The following ZDHHC5 variants were observed in gnomAD, a reference collection of about 807,000 sequenced individuals.
The protein encoded by ZDHHC5 is zDHHC palmitoyltransferase 5, also known as palmitoyltransferase ZDHHC5.
Under a neutral mutation model 70.0 loss-of-function variants are expected in ZDHHC5, and 22 were observed. That is an observed-to-expected ratio of 0.31 (90% CI 0.22 to 0.45). The LOEUF is 0.45. Ranked by LOEUF, ZDHHC5 falls within the 20% of genes least tolerant of loss-of-function variation. ZDHHC5 has a pLI of 1.00. For missense variants in ZDHHC5, 746 were observed against 926.9 expected (o/e 0.80, Z 2.53); for synonymous variants, 313 against 347.8 (o/e 0.90, Z 1.11).
At position 57,675,047 on chromosome 11, in the gene ZDHHC5, G is replaced by T. The variant is rs185294683; in HGVS notation, c.104+1853G>T. The stretch of plus-strand genomic sequence containing the variant: ...AAAGAGGGGTGAGTCTTTGGTGTCA[G>T]AACTTGTTTTGGTTTTTGCTAATAT... On this transcript the variant is annotated intron_variant, in intron 2 of 11. Coordinates refer to ENST00000287169, the MANE Select transcript of ZDHHC5 (RefSeq NM_015457.3). 5.5e-4 allele frequency among the ~76,000 whole-genome samples: 84 copies of T among 152,290 alleles called. 1 individual carries two copies. Among genetic ancestry groups the T allele is most frequent in the Non-Finnish European group, 1.9e-4 (13 of 68,020 alleles).
chr11:57,673,365 CT>C, intron 2 of ZDHHC5, among the ~76,000 whole-genome samples, 171 bp downstream of exon 2: 1 of 152,194 alleles, frequency 6.6e-6, no homozygotes, highest in South Asian at 2.1e-4. Flanking sequence ...AAAGCCTGTC[CT>C]TTCAGTCGTG....
intron 2 of ZDHHC5, among the ~76,000 whole-genome samples, chr11:57,674,316 G>GTTTTTTTTTTTTTTTTTT (rs34645509): frequency 1.4e-5 from 2 of 140,932 alleles, no homozygotes; most frequent in African/African-American, 2.6e-5. Context: ...TTTTTCCTCA[G>GTTTTTTTTTTTTTTTTTT]TTTTTTTTTT....
intron 1 of ZDHHC5, 79 bp downstream of exon 1, chr11:57,668,266 G>A (rs1945950332): frequency 3.0e-6 from 1 of 336,310 alleles, no homozygotes; most frequent in East Asian, 4.5e-5. Context: ...GACCTCTAGG[G>A]AAGGGGGACC....
chr11:57,675,313 A>G (rs1281913381), intron 2 of ZDHHC5, among the ~76,000 whole-genome samples: 1 of 152,188 alleles, frequency 6.6e-6, no homozygotes, highest in African/African-American at 2.4e-5. Flanking sequence ...AGCAAGCTGA[A>G]TCCTTGTTTT....
chr11:57,685,633 G>A (rs1946199462), intron 3 of ZDHHC5, among the ~76,000 whole-genome samples: 1 of 151,940 alleles, frequency 6.6e-6, no homozygotes, highest in Admixed American at 6.6e-5. Flanking sequence ...TGGGCGATAA[G>A]AGCAAAACTC....
chr11:57,684,549 G>A (rs549279), intron 3 of ZDHHC5, among the ~76,000 whole-genome samples: 41,683 of 152,024 alleles, frequency 0.27, 6,804 homozygotes, highest in East Asian at 0.78. Flanking sequence ...CTTGTTTGTA[G>A]CATGCAGAGA....
chr11:57,693,801 G>C lies in ZDHHC5; in HGVS notation c.771G>C (p.Lys257Asn). Residue 257 changes from lysine (K) to asparagine (N), a missense_variant, in exon 8 of 12, where the codon AAG (lysine) becomes AAC (asparagine). This residue lies in a region of ZDHHC5 where 114 missense variants were observed against 179.3 expected (regional missense o/e 0.64). Coordinates refer to ENST00000287169, the MANE Select transcript of ZDHHC5 (RefSeq NM_015457.3). ...CACTTAGGTATTTGGGGAGACCAAA[G>C]AAAGAGAAGACAATTGTAATCAGAC... is the stretch of plus-strand genomic sequence containing the variant. ...SPAPRYLGRPKKEKTIVIRPP... is the reference protein window; with the variant it reads ...SPAPRYLGRPNKEKTIVIRPP... The C allele has an allele frequency of 1.3e-6, 2 of 1,574,214 alleles. No individual in the cohort carries two copies. Among genetic ancestry groups the C allele is most frequent in the Non-Finnish European group, 1.7e-6 (2 of 1,160,226 alleles).
intron 1 of ZDHHC5, among the ~76,000 whole-genome samples, chr11:57,671,289 T>A (rs567841526): frequency 2.6e-5 from 4 of 152,334 alleles, no homozygotes; most frequent in African/African-American, 9.6e-5. Context: ...CTGGTGTTAG[T>A]TTGTTATTGT....
intron 6 of ZDHHC5, 89 bp downstream of exon 6, chr11:57,690,526 G>C: frequency 1.5e-6 from 2 of 1,328,252 alleles, no homozygotes; most frequent in Non-Finnish European, 2.2e-6. Context: ...CTTCCACAAA[G>C]AGATGCTTAA....
intron 6 of ZDHHC5, among the ~76,000 whole-genome samples, chr11:57,692,199 A>G (rs943205847): frequency 4.6e-5 from 7 of 151,850 alleles, no homozygotes; most frequent in African/African-American, 1.7e-4. Context: ...ATATATTTTT[A>G]TAGTAGAGAT....
At chr11:57,697,184 C>G (rs548144492) in intron 10 of ZDHHC5, among the ~76,000 whole-genome samples, 3 of 151,832 alleles carry the variant, frequency 2.0e-5, no homozygotes, top group African/African-American at 7.2e-5. Context: ...CAAAAATTGC[C>G]GGGCACAGTG....
intron 9 of ZDHHC5, 48 bp from the exon 10 acceptor site, chr11:57,696,713 C>T (rs967019012): frequency 6.3e-7 from 1 of 1,575,778 alleles, no homozygotes; most frequent in African/African-American, 1.3e-5. Context: ...TCTCTTAAAC[C>T]AAAAAACCGC....
At chr11:57,694,456 G>A (rs1486328500) in intron 8 of ZDHHC5, among the ~76,000 whole-genome samples, 1 of 151,082 alleles carries the variant, frequency 6.6e-6, no homozygotes, top group Non-Finnish European at 1.5e-5. Flanking sequence ...CTGCCTCCCA[G>A]GTTCAAGCGA....
At chr11:57,689,194 C>G (rs1946249453) in intron 4 of ZDHHC5, among the ~76,000 whole-genome samples, 1 of 152,136 alleles carries the variant, frequency 6.6e-6, no homozygotes, top group Non-Finnish European at 1.5e-5. Flanking sequence ...TTCTGCATCC[C>G]TTGTCCTTTT....
intron 1 of ZDHHC5, among the ~76,000 whole-genome samples, chr11:57,670,759 A>G (rs1406971395): frequency 1.3e-5 from 2 of 151,850 alleles, no homozygotes; most frequent in Non-Finnish European, 2.9e-5. Context: ...TCCATGCCAT[A>G]GGTGAGAGAG....
chr11:57,681,164 G>A (rs944134861), intron 2 of ZDHHC5, among the ~76,000 whole-genome samples: 6 of 152,188 alleles, frequency 3.9e-5, no homozygotes, highest in African/African-American at 9.6e-5. Context: ...CTTGTATCTC[G>A]TTAAGGAACT....
At chr11:57,698,142 C>CACACAT (rs771894625) in intron 10 of ZDHHC5, among the ~76,000 whole-genome samples, 1 of 151,512 alleles carries the variant, frequency 6.6e-6, no homozygotes, top group Non-Finnish European at 1.5e-5. Flanking sequence ...CACACACACA[C>CACACAT]ACACACAAAC....
rs1392436244 is a variant in ZDHHC5 at position 57,699,340 on chromosome 11, T to A, written c.1904T>A (p.Met635Lys). 5.0e-6 allele frequency: 8 copies of A among 1,612,426 alleles called. No homozygotes were observed. In the East Asian group the frequency reaches 1.3e-4, roughly 27 times the overall value. Residue 635 changes from methionine (M) to lysine (K), a missense_variant, in exon 11 of 12, where the codon ATG (methionine) becomes AAG (lysine). By Grantham distance (95) the Met-to-Lys change is moderately conservative. Transcript: ENST00000287169. The part of the protein sequence containing the change: ...GPTAPYLGRS[M>K]SYSSQKAQPG... ...ACAGCCCCATACCTGGGCCGATCGATGTCTTACAGCAGCCAAAAAGCCCAA... is the reference window on the plus strand; with the variant it reads ...ACAGCCCCATACCTGGGCCGATCGAAGTCTTACAGCAGCCAAAAAGCCCAA...
At chr11:57,682,783 C>T (rs1946165009) in intron 3 of ZDHHC5, among the ~76,000 whole-genome samples, 1 of 152,066 alleles carries the variant, frequency 6.6e-6, no homozygotes, top group African/African-American at 2.4e-5. Flanking sequence ...AACTTCTAGT[C>T]CTATGATTCA....
Sources: allele counts gnomAD v4.1 joint callset (sites outside exome capture counted in the v4.1 genomes callset), GRCh38; gene constraint gnomAD v4.1.1; regional missense constraint gnomAD v4.1.1; transcripts MANE v1.5; gene names NCBI Gene and HGNC (gene_info 2026-07-23, HGNC 2026-07-21).